Variants in PKD1 observed in about 807,000 individuals in gnomAD.
The protein encoded by PKD1 is polycystin 1, transient receptor potential channel interacting.
In PKD1, 81 loss-of-function variants were observed where a neutral mutation model predicts 361.7. That is an observed-to-expected ratio of 0.22 (90% CI 0.19 to 0.27). PKD1 has a LOEUF of 0.27. PKD1 is among the 10% of genes least tolerant of loss of function. PKD1 has a pLI of 1.00. For synonymous variants in PKD1, 3,615 were observed against 2,818.3 expected (o/e 1.28, Z -8.95); for missense variants, 6,399 against 6,118.3 (o/e 1.05, Z -1.53).
chr16:2,112,840 G>C lies in PKD1; in HGVS notation c.3109C>G (p.Leu1037Val). ...VPAVLSPNAT[L>V]ALTAGVLVDS... The stretch of plus-strand genomic sequence containing the variant: ...ACCAGCACGCCCGCCGTCAGTGCTA[G>C]CGTGGCATTGGGGGACAGCACGGCC... Residue 1037 changes from leucine (L) to valine (V), a missense_variant, in exon 13 of 46, where the codon CTA becomes GTA. Leu to Val is a conservative substitution (Grantham distance 32, BLOSUM62 1). Coordinates refer to ENST00000262304, the MANE Select transcript of PKD1 (RefSeq NM_001009944.3). 6.2e-7 allele frequency: 1 copy of C among 1,604,156 alleles called. No individual in the cohort carries two copies. The highest frequency in any genetic ancestry group is 1.1e-5 in the South Asian group (1 of 90,992).
Position 2,115,414 on chromosome 16 carries a change from G to A in PKD1, c.2061C>T (p.Leu687=), listed in dbSNP as rs780507908. 7.6e-6 allele frequency: 12 copies of A among 1,575,392 alleles called. No homozygotes were observed. Among genetic ancestry groups the A allele is most frequent in the Middle Eastern group, 2.3e-4 (1 of 4,412 alleles). Residue 687 remains leucine, a synonymous_variant, in exon 10 of 46, where the codon CTC becomes CTT. Transcript: ENST00000262304. ...GAPYALWREF[L]FSVPAGPPAQ... is the part of the protein sequence containing the mutation. Reference sequence around the variant, plus strand: ...CGGGGGGCCCCGCGGGAACGGAGAAGAGGAACTCTCTCCATAGCGCATAGG... The same window carrying A: ...CGGGGGGCCCCGCGGGAACGGAGAAAAGGAACTCTCTCCATAGCGCATAGG...
intron 1 of PKD1, among the ~76,000 whole-genome samples, chr16:2,131,610 A>G (rs1452791661): frequency 1.3e-5 from 2 of 151,454 alleles, no homozygotes; most frequent in Non-Finnish European, 2.9e-5. Flanking sequence ...CCTAAGGCCA[A>G]GAGTTCAAGA....
chr16:2,122,020 G>A (rs1162023684), intron 1 of PKD1, among the ~76,000 whole-genome samples: 1 of 152,258 alleles, frequency 6.6e-6, no homozygotes, highest in Non-Finnish European at 1.5e-5. Context: ...GAGCCTACCC[G>A]GCGCAGGAGA....
At position 2,114,257 on chromosome 16, in the gene PKD1, G is replaced by C; in HGVS notation, c.2766C>G (p.Leu922=). 6.2e-7 allele frequency: 1 copy of C among 1,610,366 alleles called. No homozygotes were observed. Among genetic ancestry groups the C allele is most frequent in the East Asian group, 2.2e-5 (1 of 44,858 alleles). Residue 922 remains leucine, a synonymous_variant, in exon 11 of 46, where the codon CTC becomes CTG. Transcript: ENST00000262304. The part of the protein sequence containing the change: ...VVENSASRAN[L]SLRVTAEEPI... The stretch of plus-strand genomic sequence containing the variant: ...GCTCCTCCGCCGTCACCCGCAGGCT[G>C]AGGTTGGCCCGGCTGGCGCTGTTTT...
At chr16:2,128,406 G>A (rs958533061) in intron 1 of PKD1, among the ~76,000 whole-genome samples, 1 of 150,574 alleles carries the variant, frequency 6.6e-6, no homozygotes, top group African/African-American at 2.5e-5. Context: ...TCAGCCCCTC[G>A]GGGAGTGCAA....
chr16:2,119,911 G>C, intron 1 of PKD1: 2 of 699,148 alleles, frequency 2.9e-6, no homozygotes, highest in Non-Finnish European at 5.2e-6. Context: ...CATAAACCCA[G>C]AGAAACAAGA....
rs1004095951 is a variant in PKD1 at position 2,115,777 on chromosome 16, G to T, written c.1850-152C>A. On this transcript the variant is annotated intron_variant, in intron 9 of 45. Coordinates refer to ENST00000262304, the MANE Select transcript of PKD1 (RefSeq NM_001009944.3). ...CAGCCCAGTGCTGCGTCCGTCTCCG[G>T]CCAGCCGACTGACCCAGGCCGGCCC... is the stretch of plus-strand genomic sequence containing the variant. The T allele has an allele frequency of 3.5e-5, 36 of 1,026,672 alleles. No individual in the cohort carries two copies. In the Admixed American group the frequency reaches 5.7e-4, roughly 16 times the overall value. 63.6% of individuals were successfully genotyped at this position (1,026,672 alleles called of 1,614,324 possible). A position where few individuals can be genotyped will look rare whatever the true frequency, so the allele number is the denominator to read the frequency against.
At position 2,135,719 on chromosome 16, in the gene PKD1, G is replaced by C. The variant is rs1351795819; in HGVS notation, c.-30C>G. On this transcript the variant is annotated 5_prime_UTR_variant, in exon 1 of 46. Transcript: ENST00000262304. ...AGGGCAGCGCGCGCATGGCCCCGCC[G>C]TCCCCAGGCCCGCCCGCGCGCGGAG... 2 of 942,366 alleles carry C rather than the reference G, an allele frequency of 2.1e-6. No homozygotes were observed. The highest frequency in any genetic ancestry group is 2.3e-4 in the East Asian group (2 of 8,596). 58.4% of individuals were successfully genotyped at this position (942,366 alleles called of 1,614,324 possible). A position where few individuals can be genotyped will look rare whatever the true frequency, so the allele number is the denominator to read the frequency against.
chr16:2,115,043 G>A, intron 10 of PKD1, 118 bp from the exon 11 acceptor site: 2 of 1,506,572 alleles, frequency 1.3e-6, no homozygotes, highest in Non-Finnish European at 1.8e-6. Context: ...ACCTCAAGGA[G>A]CCTCCCCACA....
Position 2,118,287 on chromosome 16 carries a change from G to C in PKD1, c.705C>G (p.Ala235=). 1 of 1,530,726 alleles carries C rather than the reference G, an allele frequency of 6.5e-7. No homozygotes were observed. The highest frequency in any genetic ancestry group is 8.7e-7 in the Non-Finnish European group (1 of 1,143,504). The allele number at this position is 1,530,726 out of a possible 1,614,324, so 94.8% of individuals were successfully genotyped here. ...SEQGWCLCGA[A]QPSSASFACL... is the part of the protein sequence containing the mutation. ...AGGCAAAGGAGGCACTGGAGGGCTG[G>C]GCCGCCCCACACAGGCACCAGCCCT... Residue 235 remains alanine, a synonymous_variant, in exon 5 of 46, where the codon GCC becomes GCG. Transcript: ENST00000262304. This position sits in a 1 kb window ranked among gnomAD's most constrained non-coding sequence, Gnocchi z 6.0.
chr16:2,100,473 C>T lies in PKD1; in HGVS notation c.9491G>A (p.Ser3164Asn). ...GGTGGCGATCCGGAAGATGTCCAGG[C>T]TGTTGCGGTGGAAGGCTCTGTCGCC... ...LDGDRAFHRN[S>N]LDIFRIATPH... The change falls in exon 27 of 46, where the codon AGC becomes AAC. Residue 3164 changes from serine to asparagine, a missense_variant. Coordinates refer to ENST00000262304, the MANE Select transcript of PKD1 (RefSeq NM_001009944.3). The surrounding 1 kb of genome is among the most constrained non-coding windows in gnomAD (Gnocchi z 4.4). 4 of 1,610,800 alleles carry T rather than the reference C, an allele frequency of 2.5e-6. No homozygotes were observed. The highest frequency in any genetic ancestry group is 1.1e-5 in the South Asian group (1 of 90,992).
chr16:2,122,056 G>A (rs944896731), intron 1 of PKD1, among the ~76,000 whole-genome samples: 2 of 152,240 alleles, frequency 1.3e-5, no homozygotes, highest in African/African-American at 4.8e-5. Flanking sequence ...TGCCCGGTGG[G>A]GCCCGGGGCC....
intron 34 of PKD1, 78 bp downstream of exon 34, chr16:2,097,070 G>C: frequency 1.1e-5 from 8 of 759,266 alleles, no homozygotes; most frequent in Non-Finnish European, 1.0e-5. Flanking sequence ...CCTACCCCAG[G>C]CGGGAACCAC....
rs1309162828 is a variant in PKD1 at position 2,111,285 on chromosome 16, C to T, written c.3882G>A (p.Leu1294=). 3.7e-6 allele frequency: 6 copies of T among 1,609,604 alleles called. No individual in the cohort carries two copies. The highest frequency in any genetic ancestry group is 5.1e-6 in the Non-Finnish European group (6 of 1,179,476). ...CGGCGGGTTCAACGCGCAGCACCTC[C>T]AGGACGAAGACCAGCACGTGCAGGC... ...ARSLHVLVFV[L]EVLRVEPAAC... is the part of the protein sequence containing the mutation. The change falls in exon 15 of 46, where the codon CTG becomes CTA. Residue 1294 remains leucine, a synonymous_variant. Transcript: ENST00000262304.
intron 6 of PKD1, among the ~76,000 whole-genome samples, chr16:2,117,277 G>A (rs1304231926): frequency 2.6e-5 from 4 of 152,162 alleles, no homozygotes; most frequent in Non-Finnish European, 5.9e-5. Context: ...CCCGTATGGC[G>A]TGCCCAGGAG....
Position 2,114,923 on chromosome 16 carries a change from G to C in PKD1, c.2100C>G (p.Val700=), listed in dbSNP as rs1384637282. Residue 700 remains valine (V), a splice_region_variant and synonymous_variant, in exon 11 of 46, where the codon GTC becomes GTG. Coordinates refer to ENST00000262304, the MANE Select transcript of PKD1 (RefSeq NM_001009944.3). ...TGAGGACATCCTGGCCGTGGAGGGT[G>C]ACCTGTGGAGAGGGAGGCAGGGCTG... is the stretch of plus-strand genomic sequence containing the variant. ...VPAGPPAQYS[V]TLHGQDVLML... 1 of 1,529,900 alleles carries C rather than the reference G, an allele frequency of 6.5e-7. No individual in the cohort carries two copies. Among genetic ancestry groups the C allele is most frequent in the African/African-American group, 1.4e-5 (1 of 72,984 alleles). The allele number at this position is 1,529,900 out of a possible 1,614,324, so 94.8% of individuals were successfully genotyped here.
At position 2,096,839 on chromosome 16, in the gene PKD1, C is replaced by T. The variant is rs956719082; in HGVS notation, c.10499+309G>A. On this transcript the variant is annotated intron_variant, in intron 34 of 45. Coordinates refer to ENST00000262304, the MANE Select transcript of PKD1 (RefSeq NM_001009944.3). ...GCCAAAAATGGGGTATTTAAAAACC[C>T]GCCCATAATTTCTCACTGCTCTGAG... 48 of 456,838 alleles carry T rather than the reference C, an allele frequency of 1.1e-4. 1 individual carries two copies. In the East Asian group the frequency reaches 1.1e-3, roughly 10 times the overall value. The allele number at this position is 456,838 out of a possible 1,614,324, so 28.3% of individuals were successfully genotyped here.
rs572710323 is a variant in PKD1 at position 2,121,660 on chromosome 16, C to T, written c.216-2282G>A. Among the ~76,000 whole-genome samples, 5 of 152,260 alleles carry T rather than the reference C, an allele frequency of 3.3e-5. No individual in the cohort carries two copies. In the South Asian group the frequency reaches 1.0e-3, roughly 32 times the overall value. The stretch of plus-strand genomic sequence containing the variant: ...GGGCAAACCGAGAACTCCACCTCCC[C>T]TCGGCCTCAAGCACCTCGGGGGTCA... On this transcript the variant is annotated intron_variant, in intron 1 of 45. Coordinates refer to ENST00000262304, the MANE Select transcript of PKD1 (RefSeq NM_001009944.3).
chr16:2,090,247 A>C, intron 45 of PKD1, 38 bp downstream of exon 45: 1 of 1,609,084 alleles, frequency 6.2e-7, no homozygotes, highest in Non-Finnish European at 8.5e-7. Flanking sequence ...GGCAGAGCCC[A>C]GGGCGTGTCC....
Sources: gnomAD v4.1 joint callset for allele counts (sites outside exome capture counted in the v4.1 genomes callset) on GRCh38, gnomAD v4.1.1 for gene constraint, Gnocchi (gnomAD v3.1) non-coding constraint, MANE v1.5 for transcripts, NCBI Gene and HGNC (gene_info 2026-07-23, HGNC 2026-07-21) for gene names.